Variants in INSL6 observed in about 807,000 individuals in gnomAD.
INSL6 encodes insulin like 6.
INSL6 carries 16 observed loss-of-function variants against 9.4 expected under a neutral mutation model. That is an observed-to-expected ratio of 1.70 (90% CI 1.15 to 2.59). The LOEUF (loss-of-function observed/expected upper bound fraction) is 2.59, where lower values mean the gene tolerates loss of function less well. Ranked by LOEUF, INSL6 falls within the 30% of genes most tolerant of loss-of-function variation. INSL6 has a pLI of 0.00. For missense variants in INSL6, 391 were observed against 257.3 expected (o/e 1.52, Z -3.56); for synonymous variants, 154 against 96.9 (o/e 1.59, Z -3.46).
At chr9:5,063,121 C>T in the INSL6 span, among the ~76,000 whole-genome samples, 1 of 151,954 alleles carries the variant, frequency 6.6e-6, no homozygotes, top group African/African-American at 2.4e-5. Flanking sequence ...TGGTTGAGGA[C>T]TCTATTCTGT....
At chr9:5,072,295 C>T in the INSL6 span, among the ~76,000 whole-genome samples, 1 of 152,110 alleles carries the variant, frequency 6.6e-6, no homozygotes. Flanking sequence ...TTCATTAATC[C>T]TTGTTTTCTG....
the INSL6 span, among the ~76,000 whole-genome samples, chr9:5,037,610 A>T: frequency 6.6e-6 from 1 of 152,192 alleles, no homozygotes; most frequent in Non-Finnish European, 1.5e-5. Flanking sequence ...CGCAAGGACA[A>T]AAAACCAAAC....
chr9:5,121,786 G>A (rs1379043786), downstream of INSL6, among the ~76,000 whole-genome samples: 1 of 151,990 alleles, frequency 6.6e-6, no homozygotes, highest in African/African-American at 2.4e-5. Context: ...TTTTAAATTT[G>A]TATTTACCCT....
chr9:5,125,452 G>A (rs1027939838), intron 3 of INSL6, among the ~76,000 whole-genome samples: 2 of 151,300 alleles, frequency 1.3e-5, no homozygotes, highest in Non-Finnish European at 3.0e-5. Flanking sequence ...AGTCTTTTAA[G>A]TAACACTTCA....
chr9:4,998,032 T>C, the INSL6 span, among the ~76,000 whole-genome samples: 1 of 152,234 alleles, frequency 6.6e-6, no homozygotes, highest in African/African-American at 2.4e-5. Flanking sequence ...ATTATGAGCT[T>C]AAATTCATAC....
the INSL6 span, chr9:5,029,658 G>C: frequency 6.5e-6 from 5 of 763,362 alleles, no homozygotes; most frequent in African/African-American, 8.9e-5. Context: ...AAAAGATTTC[G>C]ACTGCTATTA....
chr9:5,046,422 TTATC>T, the INSL6 span, among the ~76,000 whole-genome samples: 1 of 152,218 alleles, frequency 6.6e-6, no homozygotes, highest in Non-Finnish European at 1.5e-5. Flanking sequence ...GTATTCTAAT[TTATC>T]TATTTTTTGT....
chr9:5,100,317 A>C, the INSL6 span: 2 of 152,260 alleles, frequency 1.3e-5, no homozygotes, highest in South Asian at 4.1e-4. Flanking sequence ...TCTACTAATA[A>C]CATCTGGCCT....
chr9:5,043,160 CG>C, the INSL6 span, among the ~76,000 whole-genome samples: 5 of 152,194 alleles, frequency 3.3e-5, no homozygotes, highest in Non-Finnish European at 5.9e-5. Flanking sequence ...GGTCTGCGGG[CG>C]GCCCTGGACT....
chr9:5,123,614 A>C (rs1042185733), downstream of INSL6, among the ~76,000 whole-genome samples: 5 of 152,000 alleles, frequency 3.3e-5, no homozygotes, highest in African/African-American at 1.2e-4. Flanking sequence ...ATAAACATAC[A>C]GGTGGAGGTA....
At chr9:5,168,496 T>C (rs1015331411) in intron 1 of INSL6, among the ~76,000 whole-genome samples, 3 of 152,014 alleles carry the variant, frequency 2.0e-5, no homozygotes, top group Admixed American at 6.6e-5. Context: ...TTGAAGACTA[T>C]CTTGCTGAAA....
intron 3 of INSL6, chr9:5,133,378 A>G (rs1489506048): frequency 6.6e-6 from 1 of 152,100 alleles, no homozygotes; most frequent in African/African-American, 2.4e-5. Flanking sequence ...TTAAATAAAT[A>G]CTGAGCCAAA....
chr9:5,091,125 CT>C, the INSL6 span: 32 of 394,542 alleles, frequency 8.1e-5, no homozygotes, highest in Admixed American at 2.6e-4. Context: ...TAAGTGTTGT[CT>C]TATTTATAGG....
At chr9:5,106,548 G>A in the INSL6 span, among the ~76,000 whole-genome samples, 5 of 152,276 alleles carry the variant, frequency 3.3e-5, no homozygotes, top group Non-Finnish European at 7.4e-5. Context: ...TCCCATTACT[G>A]GGTATACACC....
intron 1 of INSL6, among the ~76,000 whole-genome samples, chr9:5,168,412 G>T (rs906126899): frequency 6.6e-6 from 1 of 152,050 alleles, no homozygotes; most frequent in Non-Finnish European, 1.5e-5. Context: ...AACACAACAC[G>T]TGAACTTCAC....
At chr9:5,067,936 G>A in the INSL6 span, among the ~76,000 whole-genome samples, 11 of 152,046 alleles carry the variant, frequency 7.2e-5, no homozygotes, top group East Asian at 1.9e-4. Context: ...GGTGGATCAC[G>A]AGGTCAAGAG....
chr9:5,039,990 CTTAG>C, the INSL6 span, among the ~76,000 whole-genome samples: 2 of 152,210 alleles, frequency 1.3e-5, no homozygotes, highest in African/African-American at 4.8e-5. Context: ...AGCAAAGGGA[CTTAG>C]CATAGCTAAA....
chr9:5,179,044 CAAAA>C (rs57246500), intron 1 of INSL6, among the ~76,000 whole-genome samples: 1 of 132,728 alleles, frequency 7.5e-6, no homozygotes, highest in African/African-American at 2.7e-5. Context: ...TTCTGCACAG[CAAAA>C]AAAAAAAAAA....
chr9:5,124,240 T>C (rs991925884), exon 4 of INSL6, among the ~76,000 whole-genome samples: 3 of 151,936 alleles, frequency 2.0e-5, no homozygotes, highest in African/African-American at 7.2e-5. Context: ...TATTTTTGGT[T>C]TTGTTGCCTA....
Sources: allele counts gnomAD v4.1 joint callset (sites outside exome capture counted in the v4.1 genomes callset), GRCh38; gene constraint gnomAD v4.1.1; transcripts MANE v1.5; gene names NCBI Gene and HGNC (gene_info 2026-07-23, HGNC 2026-07-21).